Variants in BACH2 observed in about 807,000 individuals in gnomAD.
The protein encoded by BACH2 is BACH transcriptional regulator 2, also known as transcription regulator protein BACH2.
A neutral mutation model predicts 61.8 loss-of-function variants in BACH2; 5 were observed. The ratio of observed to expected loss-of-function variants is 0.08; its 90% CI spans 0.04 to 0.17. BACH2 has a LOEUF of 0.17. BACH2 is among the 10% of genes least tolerant of loss of function. The probability of loss-of-function intolerance (pLI) is 1.00; values close to 1 mark genes in which losing one functional copy is unlikely to be tolerated. For synonymous variants in BACH2, 446 were observed against 440.1 expected (o/e 1.01, Z -0.17); for missense variants, 824 against 1,091.1 (o/e 0.76, Z 3.45).
In BACH2 at chr6:89,951,725, G is replaced by A. The variant is rs369459702; in HGVS notation, c.381C>T (p.Ser127=). The change falls in exon 7 of 9, where the codon AGC becomes AGT. Residue 127 remains serine, a synonymous_variant. Transcript: ENST00000257749. This position sits in a 1 kb window ranked among gnomAD's most constrained non-coding sequence, Gnocchi z 6.4. ...RMHNLEDSCF[S]FLQTQLLNSE... ...TGTTCAGGAGCTGGGTCTGCAGGAAGCTGAAGCAGGAGTCCTCCAGGTTGT... is the reference window on the plus strand; with the variant it reads ...TGTTCAGGAGCTGGGTCTGCAGGAAACTGAAGCAGGAGTCCTCCAGGTTGT... 6.2e-7 allele frequency: 1 copy of A among 1,614,150 alleles called. No homozygotes were observed. The highest frequency in any genetic ancestry group is 8.5e-7 in the Non-Finnish European group (1 of 1,180,060).
chr6:90,227,752 A>G (rs746321801), intron 3 of BACH2, among the ~76,000 whole-genome samples: 1 of 152,132 alleles, frequency 6.6e-6, no homozygotes, highest in Non-Finnish European at 1.5e-5. Flanking sequence ...CTAGAAATCA[A>G]CTAGACTTCA....
chr6:90,088,663 T>C (rs1231971690), intron 5 of BACH2, among the ~76,000 whole-genome samples: 1 of 152,146 alleles, frequency 6.6e-6, no homozygotes, highest in Non-Finnish European at 1.5e-5. Flanking sequence ...GGAAACTTCT[T>C]AGAAAAGCAA....
chr6:90,283,940 G>A (rs1461337096), intron 1 of BACH2, among the ~76,000 whole-genome samples: 2 of 152,014 alleles, frequency 1.3e-5, no homozygotes, highest in African/African-American at 2.4e-5. Context: ...CTGGGAGGTG[G>A]AGGGTGCAGT....
At chr6:90,154,622 C>T (rs1329372295) in intron 4 of BACH2, among the ~76,000 whole-genome samples, 3 of 152,244 alleles carry the variant, frequency 2.0e-5, no homozygotes, top group East Asian at 1.9e-4. Flanking sequence ...TCTCTCTAAG[C>T]GCCCCAGCCT....
At chr6:90,176,096 G>C (rs188833568) in intron 4 of BACH2, among the ~76,000 whole-genome samples, 1 of 152,148 alleles carries the variant, frequency 6.6e-6, no homozygotes, top group Non-Finnish European at 1.5e-5. Context: ...GTGGCCCTGC[G>C]TAGCATGTGG....
At chr6:90,044,766 A>T (rs1049248848) in intron 5 of BACH2, among the ~76,000 whole-genome samples, 24 of 152,176 alleles carry the variant, frequency 1.6e-4, no homozygotes, top group Non-Finnish European at 2.5e-4. Context: ...AGAGTTAACG[A>T]TGGCACCAAG....
chr6:90,128,964 A>C (rs910143013), intron 4 of BACH2, among the ~76,000 whole-genome samples: 1 of 152,166 alleles, frequency 6.6e-6, no homozygotes. Flanking sequence ...TCGCAAGGGC[A>C]AAAAACCAAA....
chr6:90,292,923 A>C (rs1442538644), intron 1 of BACH2, among the ~76,000 whole-genome samples: 1 of 152,232 alleles, frequency 6.6e-6, no homozygotes, highest in Admixed American at 6.5e-5. Flanking sequence ...AGTCCTACCA[A>C]CTGTTCCCTA....
intron 6 of BACH2, among the ~76,000 whole-genome samples, chr6:90,006,862 C>T (rs926892440): frequency 2.0e-5 from 3 of 152,032 alleles, no homozygotes; most frequent in African/African-American, 7.2e-5. Flanking sequence ...AAGTGGTCTT[C>T]CCGCTTTGGC....
At chr6:90,226,106 TG>T (rs1347032126) in intron 3 of BACH2, among the ~76,000 whole-genome samples, 5 of 152,138 alleles carry the variant, frequency 3.3e-5, no homozygotes, top group African/African-American at 1.2e-4. Context: ...GGGTCTAGGA[TG>T]TTCTACAGAA....
At chr6:90,154,271 G>C (rs574627995) in intron 4 of BACH2, among the ~76,000 whole-genome samples, 143 of 152,232 alleles carry the variant, frequency 9.4e-4, no homozygotes, top group African/African-American at 3.3e-3. Flanking sequence ...CAGATGAGAT[G>C]AACAAAATTG....
At chr6:90,205,227 C>T (rs1356134581) in intron 4 of BACH2, among the ~76,000 whole-genome samples, 2 of 152,176 alleles carry the variant, frequency 1.3e-5, no homozygotes, top group Non-Finnish European at 2.9e-5. Context: ...ATGCTCTTTT[C>T]ACAACCAAAC....
intron 3 of BACH2, among the ~76,000 whole-genome samples, chr6:90,223,374 C>T (rs970894069): frequency 1.3e-5 from 2 of 152,180 alleles, no homozygotes; most frequent in African/African-American, 4.8e-5. Flanking sequence ...AAGAGGCCTA[C>T]AAAATGTTCC....
At chr6:90,044,912 A>C (rs1368136419) in intron 5 of BACH2, among the ~76,000 whole-genome samples, 1 of 152,162 alleles carries the variant, frequency 6.6e-6, no homozygotes, top group Non-Finnish European at 1.5e-5. Flanking sequence ...AGTTGATTAG[A>C]CAGCCCTGTG....
chr6:90,176,826 T>C (rs993637077), intron 4 of BACH2, among the ~76,000 whole-genome samples: 2 of 152,120 alleles, frequency 1.3e-5, no homozygotes, highest in African/African-American at 4.8e-5. Flanking sequence ...GTAATCTTTA[T>C]AGAACACAAA....
chr6:89,991,058 T>G (rs1415234767), intron 6 of BACH2, among the ~76,000 whole-genome samples: 1 of 152,234 alleles, frequency 6.6e-6, no homozygotes, highest in East Asian at 1.9e-4. Flanking sequence ...ACTTTGCTTC[T>G]AGGACTTACA....
intron 2 of BACH2, among the ~76,000 whole-genome samples, chr6:90,259,998 A>G (rs73507247): frequency 6.6e-6 from 1 of 151,728 alleles, no homozygotes; most frequent in African/African-American, 2.4e-5. Flanking sequence ...TTAAAAAAAA[A>G]CCCAACTCTT....
At chr6:89,984,703 T>A (rs1248142234) in intron 6 of BACH2, among the ~76,000 whole-genome samples, 1 of 152,164 alleles carries the variant, frequency 6.6e-6, no homozygotes, top group Non-Finnish European at 1.5e-5. Context: ...GAAAAAGTAC[T>A]GAATTATGGT....
At chr6:90,208,409 T>G (rs527590465) in intron 3 of BACH2, among the ~76,000 whole-genome samples, 1 of 152,234 alleles carries the variant, frequency 6.6e-6, no homozygotes, top group Admixed American at 6.5e-5. Context: ...GACAGACACT[T>G]CTCAAAAGAA....
Sources: gnomAD v4.1 joint callset for allele counts (sites outside exome capture counted in the v4.1 genomes callset) on GRCh38, gnomAD v4.1.1 for gene constraint, Gnocchi (gnomAD v3.1) non-coding constraint, MANE v1.5 for transcripts, NCBI Gene and HGNC (gene_info 2026-07-23, HGNC 2026-07-21) for gene names.